The following CD46 variants were observed in gnomAD, a reference collection of about 807,000 sequenced individuals.
The protein encoded by CD46 is membrane cofactor protein.
In CD46, 30 loss-of-function variants were observed where a neutral mutation model predicts 53.3. The ratio of observed to expected loss-of-function variants is 0.56; its 90% confidence interval spans 0.42 to 0.76. The LOEUF (loss-of-function observed/expected upper bound fraction) is 0.76. Ranked by LOEUF, CD46 falls within the 30% of genes least tolerant of loss-of-function variation. CD46 has a pLI of 0.00. For synonymous variants in CD46, 142 were observed against 152.0 expected (o/e 0.93, Z 0.48); for missense variants, 409 against 463.0 (o/e 0.88, Z 1.07).
rs1571627802 is a variant in CD46 at position 207,770,035 on chromosome 1, G to A, written c.902-286G>A. Reference sequence around the variant, plus strand: ...CCTGCCTCGGCCTCCCACAGTGCTGGGATTACAGGCGTGAGCCACCACACC... The same window carrying A: ...CCTGCCTCGGCCTCCCACAGTGCTGAGATTACAGGCGTGAGCCACCACACC... On this transcript the variant is annotated intron_variant, in intron 7 of 12. Coordinates refer to ENST00000367042, the MANE Select transcript of CD46 (RefSeq NM_172351.3). 1.6e-5 allele frequency: 6 copies of A among 375,388 alleles called. No individual in the cohort carries two copies. In the East Asian group the frequency reaches 3.5e-4, roughly 22 times the overall value. 23.3% of individuals were successfully genotyped at this position (375,388 alleles called of 1,614,324 possible).
At position 207,759,736 on chromosome 1, in the gene CD46, C is replaced by CT. The variant is rs751816796; in HGVS notation, c.475+21dup. The CT allele has an allele frequency of 2.9e-4, 451 of 1,543,906 alleles. No individual in the cohort carries two copies. The highest frequency in any genetic ancestry group is 3.7e-4 in the Non-Finnish European group (409 of 1,119,176). ...CCCAATATGTGAAAGTAAGTAAATT[C>CT]TTTTTTTTTAAATTTAGACCAGTAG... is the stretch of plus-strand genomic sequence containing the variant. On this transcript the variant is annotated intron_variant, in intron 4 of 12. Coordinates refer to ENST00000367042, the MANE Select transcript of CD46 (RefSeq NM_172351.3).
chr1:207,781,937 T>G (rs1571672165), intron 8 of CD46, among the ~76,000 whole-genome samples: 1 of 68,882 alleles, frequency 1.5e-5, no homozygotes, highest in African/African-American at 3.6e-5. Flanking sequence ...ATTTTTCTAT[T>G]TCAGAAAAAA....
At chr1:207,767,756 T>A (rs573862980) in intron 6 of CD46, 23 bp from the exon 7 acceptor site, 47 of 1,609,716 alleles carry the variant, frequency 2.9e-5, no homozygotes, top group Non-Finnish European at 3.7e-5. Flanking sequence ...TGGTCCAATC[T>A]ACATTATTAT....
intron 8 of CD46, among the ~76,000 whole-genome samples, chr1:207,774,538 G>A: frequency 6.6e-6 from 1 of 152,278 alleles, no homozygotes; most frequent in South Asian, 2.1e-4. Context: ...TCCTTTCCAT[G>A]TTTAGTGCTT....
At chr1:207,785,793 A>AAG in intron 11 of CD46, 111 bp downstream of exon 11, 1 of 751,404 alleles carries the variant, frequency 1.3e-6, no homozygotes, top group South Asian at 1.5e-5. Context: ...TTTTTTTTTA[A>AAG]AAAAATGCCT....
chr1:207,782,368 A>T (rs1658827888), intron 8 of CD46, among the ~76,000 whole-genome samples: 1 of 152,136 alleles, frequency 6.6e-6, no homozygotes, highest in Admixed American at 6.5e-5. Flanking sequence ...AGATCATGTC[A>T]TCTGCAAACA....
At chr1:207,770,607 G>A (rs1359772268) in intron 8 of CD46, among the ~76,000 whole-genome samples, 1 of 152,058 alleles carries the variant, frequency 6.6e-6, no homozygotes, top group African/African-American at 2.4e-5. Context: ...CTGTGTCCAT[G>A]TGTTCTCGTT....
intron 3 of CD46, among the ~76,000 whole-genome samples, chr1:207,759,299 T>G (rs1337109827): frequency 6.6e-6 from 1 of 152,224 alleles, no homozygotes; most frequent in Non-Finnish European, 1.5e-5. Context: ...GCCTGTTCTC[T>G]CTACACAGTC....
At chr1:207,788,332 C>A (rs374818245) in intron 11 of CD46, among the ~76,000 whole-genome samples, 1 of 145,240 alleles carries the variant, frequency 6.9e-6, no homozygotes, top group Admixed American at 7.0e-5. Context: ...CTGGCTAACA[C>A]GGTGAAACCC....
In CD46 at chr1:207,752,383, C is replaced by T; in HGVS notation, c.97+74C>T. The stretch of plus-strand genomic sequence containing the variant: ...CCTCAGTCGGGCAAGAGTCGCGGGG[C>T]GGGGCTCACAGCAGGCCGTGCCTGT... On this transcript the variant is annotated intron_variant, in intron 1 of 12. Transcript: ENST00000367042. This position sits in a 1 kb window ranked among gnomAD's most constrained non-coding sequence, Gnocchi z 4.1. 2.2e-6 allele frequency: 3 copies of T among 1,390,144 alleles called. No individual in the cohort carries two copies. The highest frequency in any genetic ancestry group is 3.1e-6 in the Non-Finnish European group (3 of 979,640). 86.1% of individuals were successfully genotyped at this position (1,390,144 alleles called of 1,614,324 possible).
At chr1:207,793,070 AC>A (rs1380931916) in intron 12 of CD46, among the ~76,000 whole-genome samples, 1 of 152,030 alleles carries the variant, frequency 6.6e-6, no homozygotes, top group Non-Finnish European at 1.5e-5. Flanking sequence ...TATTTAGGAG[AC>A]TCTTAGTGGA....
intron 8 of CD46, among the ~76,000 whole-genome samples, chr1:207,775,987 G>T (rs963730734): frequency 5.3e-5 from 8 of 152,234 alleles, no homozygotes; most frequent in Admixed American, 5.2e-4. Flanking sequence ...ATCTATAGAG[G>T]CAGTAGCCCT....
chr1:207,790,272 A>G lies in CD46; in HGVS notation c.1102A>G (p.Thr368Ala). The G allele has an allele frequency of 1.3e-6, 2 of 1,591,288 alleles. No individual in the cohort carries two copies. The highest frequency in any genetic ancestry group is 2.2e-5 in the South Asian group (2 of 90,630). ...KKKGTYLTDE[T>A]HREVKFTSL ...GTTCAGCACATACCTAACTGATGAG[A>G]CCCACAGAGAAGTAAAATTTACTTC... Residue 368 changes from threonine to alanine, a missense_variant, in exon 12 of 13, where the codon ACC becomes GCC. Transcript: ENST00000367042.
chr1:207,766,629 TACC>T (rs1229795065), intron 5 of CD46, among the ~76,000 whole-genome samples: 1 of 152,020 alleles, frequency 6.6e-6, no homozygotes, highest in Admixed American at 6.5e-5. Context: ...TATTAAAATT[TACC>T]ACCACCACCA....
intron 5 of CD46, among the ~76,000 whole-genome samples, chr1:207,765,554 G>A (rs1456238145): frequency 1.3e-5 from 2 of 152,148 alleles, no homozygotes; most frequent in East Asian, 1.9e-4. Context: ...GCAAGAGAAA[G>A]CTATTAGGCA....
intron 1 of CD46, among the ~76,000 whole-genome samples, chr1:207,754,277 C>G (rs1655258960): frequency 6.6e-6 from 1 of 152,186 alleles, no homozygotes; most frequent in East Asian, 1.9e-4. Context: ...GTTCCCTCAG[C>G]CCAGGAACAT....
intron 1 of CD46, among the ~76,000 whole-genome samples, chr1:207,755,697 C>T (rs1194000050): frequency 1.3e-5 from 2 of 152,176 alleles, no homozygotes; most frequent in Non-Finnish European, 2.9e-5. Context: ...AGTTTCCTTA[C>T]TGGGCATACT....
At chr1:207,766,283 A>G (rs894299863) in intron 5 of CD46, among the ~76,000 whole-genome samples, 1 of 152,178 alleles carries the variant, frequency 6.6e-6, no homozygotes, top group East Asian at 1.9e-4. Context: ...TGAAATGGTG[A>G]ATTTTACTGT....
chr1:207,778,698 A>T (rs925918246), intron 8 of CD46, among the ~76,000 whole-genome samples: 1 of 152,138 alleles, frequency 6.6e-6, no homozygotes, highest in African/African-American at 2.4e-5. Context: ...GCCTTGTAGT[A>T]GAGTTTGAAG....
Sources: allele counts gnomAD v4.1 joint callset (sites outside exome capture counted in the v4.1 genomes callset), GRCh38; gene constraint gnomAD v4.1.1; non-coding constraint Gnocchi (gnomAD v3.1); transcripts MANE v1.5; gene names NCBI Gene and HGNC (gene_info 2026-07-23, HGNC 2026-07-21).